Variants in KCNQ1 observed in about 807,000 individuals in gnomAD.
KCNQ1 encodes the protein potassium voltage-gated channel subfamily Q member 1.
Under a neutral mutation model 72.4 loss-of-function variants are expected in KCNQ1, and 49 were observed. That is an observed-to-expected ratio of 0.68 (90% CI 0.54 to 0.86). KCNQ1 has a LOEUF of 0.86. Ranked by LOEUF, KCNQ1 falls within the 40% of genes least tolerant of loss-of-function variation. The pLI is 0.00. For missense variants in KCNQ1, 790 were observed against 945.1 expected (o/e 0.84, Z 2.15); for synonymous variants, 450 against 412.6 (o/e 1.09, Z -1.10).
In KCNQ1 at chr11:2,746,325, T is replaced by C. The variant is rs1846138277; in HGVS notation, c.1515-22519T>C. On this transcript the variant is annotated intron_variant, in intron 11 of 15. Coordinates refer to ENST00000155840, the MANE Select transcript of KCNQ1 (RefSeq NM_000218.3). This position sits in a 1 kb window ranked among gnomAD's most constrained non-coding sequence, Gnocchi z 5.9. Reference sequence around the variant, plus strand: ...CAGCCCTATTATCAGCATCTCACATTAGTATGCATTTGTCACAAGGAAACA... The same window carrying C: ...CAGCCCTATTATCAGCATCTCACATCAGTATGCATTTGTCACAAGGAAACA... Among the ~76,000 whole-genome samples, 1 of 152,214 alleles carries C rather than the reference T, an allele frequency of 6.6e-6. No homozygotes were observed. The highest frequency in any genetic ancestry group is 1.5e-5 in the Non-Finnish European group (1 of 68,036).
intron 12 of KCNQ1, 110 bp from the exon 13 acceptor site, chr11:2,775,850 T>C (rs1195612909): frequency 9.7e-7 from 1 of 1,027,782 alleles, no homozygotes; most frequent in Non-Finnish European, 1.5e-6. Context: ...ATAGGCGAGC[T>C]CCCAGGTCTT....
At position 2,592,369 on chromosome 11, in the gene KCNQ1, G is replaced by GGTA. The variant is rs1848681725; in HGVS notation, c.1393+3517_1393+3519dup. Among the ~76,000 whole-genome samples the GGTA allele has an allele frequency of 6.6e-6, 1 of 152,196 alleles. No homozygotes were observed. ...GCTGGGAAGGTAGAAGGTCCCCCAT[G>GGTA]GTAGCATCAGAACACAGACTAACCT... On this transcript the variant is annotated intron_variant, in intron 10 of 15. Coordinates refer to ENST00000155840, the MANE Select transcript of KCNQ1 (RefSeq NM_000218.3). This position sits in a 1 kb window ranked among gnomAD's most constrained non-coding sequence, Gnocchi z 5.2.
rs149180435 is a variant in KCNQ1 at position 2,738,027 on chromosome 11, C to T, written c.1515-30817C>T. ...GCTGCAGGGATTCAAGGGAGAACCACACCCTCCTCCACTGCTGGGAGGGGC... is the reference window on the plus strand; with the variant it reads ...GCTGCAGGGATTCAAGGGAGAACCATACCCTCCTCCACTGCTGGGAGGGGC... On this transcript the variant is annotated intron_variant, in intron 11 of 15. Coordinates refer to ENST00000155840, the MANE Select transcript of KCNQ1 (RefSeq NM_000218.3). Among the ~76,000 whole-genome samples the T allele has an allele frequency of 2.5e-3, 387 of 152,292 alleles. 5 individuals carry two copies. In the East Asian group the frequency reaches 0.035, roughly 14 times the overall value.
rs28730758 is a variant in KCNQ1, at chr11:2,661,947, C to T, written c.1394-14C>T. On this transcript the variant is annotated splice_polypyrimidine_tract_variant and intron_variant, in intron 10 of 15. Transcript: ENST00000155840. The surrounding 1 kb of genome is among the most constrained non-coding windows in gnomAD (Gnocchi z 5.9). The stretch of plus-strand genomic sequence containing the variant: ...TGGGAGGCCTAACGTGCTGTCCCCA[C>T]ACTTTCTCCTCAGTAAGGAAGAGCC... 23,294 of 1,614,106 alleles carry T rather than the reference C, an allele frequency of 0.014. 206 individuals carry two copies. Among genetic ancestry groups the T allele is most frequent in the East Asian group, 0.038 (1,708 of 44,868 alleles).
intron 1 of KCNQ1, among the ~76,000 whole-genome samples, chr11:2,489,566 C>T (rs572052216): frequency 1.3e-5 from 2 of 152,300 alleles, no homozygotes; most frequent in East Asian, 3.9e-4. Flanking sequence ...GAGACACCAG[C>T]CAGGGTGGCT....
In KCNQ1 at chr11:2,809,229, G is replaced by A. The variant is rs1017596431; in HGVS notation, c.1794+31192G>A. 2.6e-5 allele frequency among the ~76,000 whole-genome samples: 4 copies of A among 152,208 alleles called. No homozygotes were observed. The highest frequency in any genetic ancestry group is 5.9e-5 in the Non-Finnish European group (4 of 68,028). ...TTTAAGAAGAAACCAAAGTAAAACA[G>A]AAGGAATTGCTGAATTCAGATAAAT... On this transcript the variant is annotated intron_variant, in intron 15 of 15. Transcript: ENST00000155840. The surrounding 1 kb of genome is among the most constrained non-coding windows in gnomAD (Gnocchi z 7.1).
At position 2,562,563 on chromosome 11, in the gene KCNQ1, A is replaced by G. The variant is rs1848188553; in HGVS notation, c.478-8065A>G. Among the ~76,000 whole-genome samples, 1 of 152,070 alleles carries G rather than the reference A, an allele frequency of 6.6e-6. No homozygotes were observed. ...GGCCCAGCCCTCTGGCTTCCTCGCTATGGGAGGGGGTGAGACCCTAATCCC... is the reference window on the plus strand; with the variant it reads ...GGCCCAGCCCTCTGGCTTCCTCGCTGTGGGAGGGGGTGAGACCCTAATCCC... On this transcript the variant is annotated intron_variant, in intron 2 of 15. Coordinates refer to ENST00000155840, the MANE Select transcript of KCNQ1 (RefSeq NM_000218.3). The surrounding 1 kb of genome is among the most constrained non-coding windows in gnomAD (Gnocchi z 7.5).
intron 2 of KCNQ1, among the ~76,000 whole-genome samples, chr11:2,553,725 AT>A (rs1207977880): frequency 6.6e-6 from 1 of 150,910 alleles, no homozygotes; most frequent in Non-Finnish European, 1.5e-5. Context: ...TAAATTTTTT[AT>A]TTTTTTGAGA....
rs1284554264 is a variant in KCNQ1 at position 2,803,129 on chromosome 11, AG to A, written c.1794+25095del. ...GAGGGGCAGAGTGAGCAAGGGGCTC[AG>A]GGTAGCCCAGAAAACCCAGCCGGGC... On this transcript the variant is annotated intron_variant, in intron 15 of 15. Coordinates refer to ENST00000155840, the MANE Select transcript of KCNQ1 (RefSeq NM_000218.3). This position sits in a 1 kb window ranked among gnomAD's most constrained non-coding sequence, Gnocchi z 6.4. Among the ~76,000 whole-genome samples, 1 of 147,266 alleles carries A rather than the reference AG, an allele frequency of 6.8e-6. No homozygotes were observed. Among genetic ancestry groups the A allele is most frequent in the Non-Finnish European group, 1.5e-5 (1 of 66,794 alleles).
In KCNQ1 at chr11:2,827,917, G is replaced by A. The variant is rs758113482; in HGVS notation, c.1795-19850G>A. Among the ~76,000 whole-genome samples the A allele has an allele frequency of 2.0e-5, 3 of 152,238 alleles. No individual in the cohort carries two copies. Among genetic ancestry groups the A allele is most frequent in the African/African-American group, 7.2e-5 (3 of 41,458 alleles). ...AAGATGCCTCTGAGACATGGAAGTG[G>A]TGAGGTCAGGGGCCGGGAACCCTAT... On this transcript the variant is annotated intron_variant, in intron 15 of 15. Transcript: ENST00000155840. The surrounding 1 kb of genome is among the most constrained non-coding windows in gnomAD (Gnocchi z 6.7).
chr11:2,720,000 C>T (rs754321938), intron 11 of KCNQ1, among the ~76,000 whole-genome samples: 4 of 152,240 alleles, frequency 2.6e-5, no homozygotes, highest in African/African-American at 7.2e-5. Flanking sequence ...GAGGTGGAGC[C>T]GCTTCACCAT....
At chr11:2,616,811 T>C (rs984138858) in intron 10 of KCNQ1, 1 of 398,182 alleles carries the variant, frequency 2.5e-6, no homozygotes, top group African/African-American at 2.1e-5. Flanking sequence ...TAACATATCA[T>C]CCCTCCTAGG....
At position 2,676,081 on chromosome 11, in the gene KCNQ1, A is replaced by G. The variant is rs187503532; in HGVS notation, c.1514+14000A>G. On this transcript the variant is annotated intron_variant, in intron 11 of 15. Transcript: ENST00000155840. This position sits in a 1 kb window ranked among gnomAD's most constrained non-coding sequence, Gnocchi z 4.2. ...AGACGTATTTTATATAAACAAATAT[A>G]CGTGTGTCTGTGTGTGCATGTACTT... The G allele has an allele frequency of 5.1e-4, 205 of 398,638 alleles. No individual in the cohort carries two copies. The highest frequency in any genetic ancestry group is 4.1e-3 in the African/African-American group (200 of 48,748). The allele number at this position is 398,638 out of a possible 1,614,324, so 24.7% of individuals were successfully genotyped here. A position where few individuals can be genotyped will look rare whatever the true frequency, so the allele number is the denominator to read the frequency against.
chr11:2,664,910 G>A lies in KCNQ1; in HGVS notation c.1514+2829G>A. On this transcript the variant is annotated intron_variant, in intron 11 of 15. Transcript: ENST00000155840. The surrounding 1 kb of genome is among the most constrained non-coding windows in gnomAD (Gnocchi z 5.1). Reference sequence around the variant, plus strand: ...AAGACACATTTTGTTTCCATCTCGAGCTCTCCCCGCCCGCAGGGCCCCAGA... The same window carrying A: ...AAGACACATTTTGTTTCCATCTCGAACTCTCCCCGCCCGCAGGGCCCCAGA... 2.5e-6 allele frequency: 1 copy of A among 398,594 alleles called. No individual in the cohort carries two copies. Among genetic ancestry groups the A allele is most frequent in the Non-Finnish European group, 4.4e-6 (1 of 226,076 alleles). The allele number at this position is 398,594 out of a possible 1,614,324, so 24.7% of individuals were successfully genotyped here.
At chr11:2,774,116 T>A (rs1418518245) in intron 12 of KCNQ1, among the ~76,000 whole-genome samples, 1 of 152,156 alleles carries the variant, frequency 6.6e-6, no homozygotes, top group Admixed American at 6.5e-5. Flanking sequence ...GGGCTCAGCA[T>A]CCCCTTTTAC....
chr11:2,619,747 A>C (rs1849133293), intron 10 of KCNQ1: 1 of 395,026 alleles, frequency 2.5e-6, no homozygotes, highest in Non-Finnish European at 4.4e-6. Flanking sequence ...CTATAGCTGC[A>C]TTTTTTTGGA....
intron 11 of KCNQ1, among the ~76,000 whole-genome samples, chr11:2,709,139 G>T (rs937321267): frequency 2.0e-5 from 3 of 152,200 alleles, no homozygotes; most frequent in Non-Finnish European, 4.4e-5. Context: ...ACCCTGTTGT[G>T]GCACGGGGTC....
chr11:2,692,996 A>G (rs1850613460), intron 11 of KCNQ1: 2 of 398,534 alleles, frequency 5.0e-6, no homozygotes, highest in Non-Finnish European at 8.8e-6. Flanking sequence ...CAGAAGCCTC[A>G]TAAGCAAGCA....
chr11:2,665,311 G>A (rs1462856118), intron 11 of KCNQ1: 9 of 398,260 alleles, frequency 2.3e-5, no homozygotes, highest in African/African-American at 4.1e-5. Context: ...GCTTCTGAGA[G>A]AAAGGTGGGA....
Sources: allele counts gnomAD v4.1 joint callset (sites outside exome capture counted in the v4.1 genomes callset), GRCh38; gene constraint gnomAD v4.1.1; non-coding constraint Gnocchi (gnomAD v3.1); transcripts MANE v1.5; gene names NCBI Gene and HGNC (gene_info 2026-07-23, HGNC 2026-07-21).